Variants in C11orf65 observed in about 807,000 individuals in gnomAD.
C11orf65 encodes chromosome 11 open reading frame 65, also known as protein MFI.
C11orf65 carries 38 observed loss-of-function variants against 35.3 expected under a neutral mutation model. The ratio of observed to expected loss-of-function variants is 1.08; its 90% CI spans 0.83 to 1.41. The LOEUF (loss-of-function observed/expected upper bound fraction) is 1.41, where lower values mean the gene tolerates loss of function less well. Among genes scored for constraint, C11orf65 ranks in the 40% most tolerant of loss-of-function variants. The probability of loss-of-function intolerance (pLI) is 0.00; values close to 1 mark genes in which losing one functional copy is unlikely to be tolerated. For missense variants in C11orf65, 370 were observed against 367.1 expected (o/e 1.01, Z -0.06); for synonymous variants, 105 against 114.4 (o/e 0.92, Z 0.53).
chr11:108,324,727 T>C (rs1254152530), intron 6 of C11orf65, among the ~76,000 whole-genome samples: 2 of 152,224 alleles, frequency 1.3e-5, no homozygotes, highest in Admixed American at 1.3e-4. Context: ...TTGGGTAGTA[T>C]TTCATAGTTC....
chr11:108,332,874 A>T lies in C11orf65; in HGVS notation c.300-1307T>A, dbSNP rs876660909. ...GCTTATATTATATTAGCAAACTTAG[A>T]TGCCACTCAGTGGAAGACTCAGAGA... On this transcript the variant is annotated intron_variant, in intron 3 of 3. Coordinates refer to the C11orf65 transcript ENST00000524755. The T allele has an allele frequency of 6.2e-7, 1 of 1,613,136 alleles. No homozygotes were observed. Among genetic ancestry groups the T allele is most frequent in the African/African-American group, 1.3e-5 (1 of 75,044 alleles).
intron 2 of C11orf65, among the ~76,000 whole-genome samples, chr11:108,345,574 A>G (rs528374716): frequency 4.7e-4 from 72 of 152,212 alleles, no homozygotes; most frequent in Non-Finnish European, 8.2e-4. Flanking sequence ...TAAAGGGATT[A>G]TCACTTGTAA....
At chr11:108,421,829 C>T (rs905991148) in intron 3 of C11orf65, among the ~76,000 whole-genome samples, 1 of 152,186 alleles carries the variant, frequency 6.6e-6, no homozygotes, top group Non-Finnish European at 1.5e-5. Context: ...AAACACCACC[C>T]TGCTTTCTTC....
intron 2 of C11orf65, among the ~76,000 whole-genome samples, chr11:108,356,743 C>G (rs2089975609): frequency 6.6e-6 from 1 of 152,128 alleles, no homozygotes; most frequent in African/African-American, 2.4e-5. Context: ...AGAAATCTTA[C>G]TAGTTTAATG....
chr11:108,449,620 G>C (rs7128148), intron 2 of C11orf65, among the ~76,000 whole-genome samples: 1 of 151,576 alleles, frequency 6.6e-6, no homozygotes, highest in African/African-American at 2.4e-5. Context: ...CCTTACACCT[G>C]ATACAAAAAT....
intron 2 of C11orf65, chr11:108,346,387 T>C (rs2088400598): frequency 6.5e-6 from 1 of 153,508 alleles, no homozygotes; most frequent in Admixed American, 6.5e-5. Flanking sequence ...GTGTACAATA[T>C]ATATTTTGAC....
intron 6 of C11orf65, among the ~76,000 whole-genome samples, chr11:108,402,846 T>C (rs960175383): frequency 4.6e-5 from 7 of 152,162 alleles, no homozygotes; most frequent in Non-Finnish European, 1.0e-4. Context: ...TGTATTCTTT[T>C]TTGATAGATT....
At chr11:108,444,079 T>C (rs1438699266) in intron 2 of C11orf65, among the ~76,000 whole-genome samples, 2 of 151,972 alleles carry the variant, frequency 1.3e-5, no homozygotes, top group African/African-American at 4.8e-5. Flanking sequence ...CTAGCAAGAC[T>C]AATAAAGAAG....
chr11:108,359,318 G>C (rs1169648167), intron 2 of C11orf65, among the ~76,000 whole-genome samples: 3 of 151,912 alleles, frequency 2.0e-5, no homozygotes, highest in African/African-American at 4.8e-5. Context: ...GACCTACAAA[G>C]AGACTTAGAA....
chr11:108,374,538 A>T (rs2138146261), intron 2 of C11orf65, among the ~76,000 whole-genome samples: 1 of 152,342 alleles, frequency 6.6e-6, no homozygotes, highest in African/African-American at 2.4e-5. Flanking sequence ...AGATGGGGAA[A>T]AAACAGAGCA....
At chr11:108,344,522 G>C (rs774168947) in intron 2 of C11orf65, among the ~76,000 whole-genome samples, 5 of 152,148 alleles carry the variant, frequency 3.3e-5, no homozygotes, top group Non-Finnish European at 5.9e-5. Flanking sequence ...AGACCCTAAA[G>C]GATAGTAATA....
intron 6 of C11orf65, among the ~76,000 whole-genome samples, chr11:108,310,923 A>G (rs974964756): frequency 6.6e-6 from 1 of 152,178 alleles, no homozygotes; most frequent in Non-Finnish European, 1.5e-5. Flanking sequence ...AAGTAAGAGT[A>G]AAAAATAAAG....
intron 2 of C11orf65, among the ~76,000 whole-genome samples, chr11:108,370,503 C>T (rs1428731930): frequency 6.6e-6 from 1 of 151,378 alleles, no homozygotes; most frequent in Non-Finnish European, 1.5e-5. Flanking sequence ...CTGGCTAGGA[C>T]CTCTCTTTAG....
intron 6 of C11orf65, among the ~76,000 whole-genome samples, chr11:108,317,102 TTA>T (rs1565501941): frequency 1.4e-5 from 2 of 144,516 alleles, no homozygotes; most frequent in Admixed American, 6.9e-5. Context: ...CCCAGCTATT[TTA>T]AAAAAAAAAA....
chr11:108,388,840 T>C (rs982437769), intron 7 of C11orf65, among the ~76,000 whole-genome samples: 11 of 152,206 alleles, frequency 7.2e-5, no homozygotes, highest in African/African-American at 1.2e-4. Flanking sequence ...TGCAGCAACA[T>C]AGCTCTGGAT....
At chr11:108,346,457 G>A (rs1162734899) in intron 2 of C11orf65, 1 of 151,826 alleles carries the variant, frequency 6.6e-6, no homozygotes, top group Non-Finnish European at 1.5e-5. Context: ...CCTAGAGTAT[G>A]AGAACTAATG....
chr11:108,354,745 A>G (rs945959442), intron 2 of C11orf65: 7 of 1,325,222 alleles, frequency 5.3e-6, no homozygotes, highest in African/African-American at 1.4e-5. Flanking sequence ...GAGAGTATAC[A>G]GATAAAGATA....
chr11:108,359,267 C>T (rs2090417658), intron 2 of C11orf65, among the ~76,000 whole-genome samples: 1 of 151,446 alleles, frequency 6.6e-6, no homozygotes, highest in South Asian at 2.1e-4. Context: ...ATATATGCAC[C>T]CAATACAGGA....
intron 2 of C11orf65, among the ~76,000 whole-genome samples, chr11:108,447,242 A>C (rs1835687474): frequency 6.6e-6 from 1 of 152,172 alleles, no homozygotes; most frequent in Non-Finnish European, 1.5e-5. Context: ...AAAGTTAACA[A>C]GGATACCCAG....
Sources: allele counts gnomAD v4.1 joint callset (sites outside exome capture counted in the v4.1 genomes callset), GRCh38; gene constraint gnomAD v4.1.1; transcripts MANE v1.5; gene names NCBI Gene and HGNC (gene_info 2026-07-23, HGNC 2026-07-21).